The following CPNE2 variants were observed in gnomAD, a reference collection of about 807,000 sequenced individuals.
The protein encoded by CPNE2 is copine-2.
CPNE2 carries 42 observed loss-of-function variants against 69.7 expected under a neutral mutation model. The observed-to-expected ratio is 0.60, with a 90% CI of 0.47 to 0.78. The LOEUF is 0.78. CPNE2 is among the 30% of genes least tolerant of loss of function. CPNE2 has a pLI of 0.00. For missense variants in CPNE2, 587 were observed against 732.0 expected, an observed-to-expected ratio of 0.80 and a Z score of 2.29; for synonymous variants, 294 against 289.8, an observed-to-expected ratio of 1.01 and a Z score of -0.15.
intron 4 of CPNE2, among the ~76,000 whole-genome samples, chr16:57,116,627 C>A (rs552650999): frequency 1.3e-5 from 2 of 152,206 alleles, no homozygotes; most frequent in Non-Finnish European, 2.9e-5. Context: ...CCCACTCACC[C>A]GGGTATGCCA....
intron 1 of CPNE2, among the ~76,000 whole-genome samples, chr16:57,097,305 A>G (rs2069583794): frequency 6.6e-6 from 1 of 152,146 alleles, no homozygotes; most frequent in Admixed American, 6.5e-5. Context: ...CCAGAGCCTG[A>G]GTGTGTCTTG....
In CPNE2 at chr16:57,147,586, G is replaced by C. The variant is rs746617867; in HGVS notation, c.1575G>C (p.Ala525=). ...AGACCTTGGCCAAAGCTGTGCTGGC[G>C]GAGCTGCCCCAACAAGTTGTGCAGT... ...AKETLAKAVL[A]ELPQQVVQYF... is the part of the protein sequence containing the mutation. The change falls in exon 16 of 16, where the codon GCG becomes GCC. Residue 525 remains alanine (A), a synonymous_variant. Transcript: ENST00000290776. 14 of 1,609,132 alleles carry C rather than the reference G, an allele frequency of 8.7e-6. No homozygotes were observed. The highest frequency in any genetic ancestry group is 1.2e-5 in the Non-Finnish European group (14 of 1,176,562).
intron 1 of CPNE2, among the ~76,000 whole-genome samples, chr16:57,094,546 T>C (rs1030938274): frequency 1.3e-5 from 2 of 152,200 alleles, no homozygotes; most frequent in African/African-American, 2.4e-5. Context: ...AGTTTTTATA[T>C]CTATACACCT....
chr16:57,105,729 A>AC (rs552481968), intron 1 of CPNE2, among the ~76,000 whole-genome samples: 13 of 152,126 alleles, frequency 8.5e-5, no homozygotes, highest in Admixed American at 2.0e-4. Flanking sequence ...TGTAAAAGAG[A>AC]CCACTAGTTT....
At chr16:57,139,856 G>A (rs373828968) in intron 14 of CPNE2, among the ~76,000 whole-genome samples, 1 of 152,046 alleles carries the variant, frequency 6.6e-6, no homozygotes, top group African/African-American at 2.4e-5. Flanking sequence ...GGCAAGTCAC[G>A]TCACCTTAGT....
intron 12 of CPNE2, among the ~76,000 whole-genome samples, chr16:57,133,302 C>T (rs1234241994): frequency 6.6e-6 from 1 of 152,126 alleles, no homozygotes; most frequent in African/African-American, 2.4e-5. Context: ...GAACAGAAAA[C>T]CCCATTGCCT....
intron 1 of CPNE2, among the ~76,000 whole-genome samples, chr16:57,096,690 C>A (rs1352300615): frequency 7.0e-6 from 1 of 143,730 alleles, no homozygotes; most frequent in Non-Finnish European, 1.5e-5. Context: ...AACAGTGAGA[C>A]CATGTCTCAA....
chr16:57,121,762 T>A lies in CPNE2; in HGVS notation c.867+2T>A. 6.2e-7 allele frequency: 1 copy of A among 1,613,930 alleles called. No individual in the cohort carries two copies. The highest frequency in any genetic ancestry group is 8.5e-7 in the Non-Finnish European group (1 of 1,179,908). On this transcript the variant is annotated splice_donor_variant, in intron 9 of 15. Coordinates refer to ENST00000290776, the MANE Select transcript of CPNE2 (RefSeq NM_152727.6). LOFTEE classifies it high-confidence loss of function. ...ATCATCATCCTGCGATCCTGCAAGG[T>A]GAACCAGCGTGGGCAAGCACGAGCC...
intron 1 of CPNE2, among the ~76,000 whole-genome samples, chr16:57,104,042 G>A (rs778060490): frequency 1.1e-4 from 17 of 152,066 alleles, no homozygotes; most frequent in Admixed American, 1.0e-3. Context: ...TCAGCTTCCC[G>A]AGTAGCTGGG....
At chr16:57,123,510 TC>T in intron 10 of CPNE2, 37 bp downstream of exon 10, 1 of 1,602,338 alleles carries the variant, frequency 6.2e-7, no homozygotes, top group Non-Finnish European at 8.5e-7. Context: ...TGCACCCCCA[TC>T]CCAGTGAGGG....
intron 1 of CPNE2, chr16:57,093,827 G>T: frequency 3.0e-6 from 1 of 335,686 alleles, no homozygotes; most frequent in South Asian, 2.2e-5. Flanking sequence ...TTCACGGACT[G>T]CAGGGAGCCC....
Position 57,113,417 on chromosome 16 carries a change from C to T in CPNE2, c.310C>T (p.Arg104Trp), listed in dbSNP as rs1309567082. The change falls in exon 3 of 16, where the codon CGG becomes TGG. Residue 104 changes from arginine to tryptophan, a missense_variant. Around this residue, in one of 5 missense-constraint regions of CPNE2, gnomAD observed 34 missense variants for 67.1 expected, o/e 0.51. Transcript: ENST00000290776. The part of the protein sequence containing the change: ...ALFDQDKSSM[R>W]LDEHDFLGQF... ...CTTTGACCAGGACAAGTCCAGTATG[C>T]GGCTGGACGAGCATGACTTCCTGGG... 9 of 1,614,106 alleles carry T rather than the reference C, an allele frequency of 5.6e-6. No individual in the cohort carries two copies. The highest frequency in any genetic ancestry group is 1.7e-5 in the Admixed American group (1 of 60,014).
chr16:57,110,547 C>T (rs1173380083), intron 1 of CPNE2, 161 bp from the exon 2 acceptor site: 3 of 438,440 alleles, frequency 6.8e-6, no homozygotes, highest in African/African-American at 6.1e-5. Context: ...TCCTTGCATT[C>T]TTCTTTCTTC....
intron 1 of CPNE2, among the ~76,000 whole-genome samples, chr16:57,101,165 T>TATGCCAGCCTTCTG (rs2069610992): frequency 2.0e-5 from 3 of 152,202 alleles, no homozygotes; most frequent in African/African-American, 7.2e-5. Context: ...TGCCTGGGTT[T>TATGCCAGCCTTCTG]CCAGCCTTCT....
chr16:57,146,458 C>A lies in CPNE2; in HGVS notation c.1539+137C>A. The A allele has an allele frequency of 1.3e-6, 1 of 790,784 alleles. No individual in the cohort carries two copies. Among genetic ancestry groups the A allele is most frequent in the Non-Finnish European group, 2.0e-6 (1 of 505,350 alleles). The allele number at this position is 790,784 out of a possible 1,614,324, so 49.0% of individuals were successfully genotyped here. A position where few individuals can be genotyped will look rare whatever the true frequency, so the allele number is the denominator to read the frequency against. On this transcript the variant is annotated intron_variant, in intron 15 of 15. Coordinates refer to ENST00000290776, the MANE Select transcript of CPNE2 (RefSeq NM_152727.6). This position sits in a 1 kb window ranked among gnomAD's most constrained non-coding sequence, Gnocchi z 4.4. ...TCCATTGACTATGCTCTTCTGAGGG[C>A]CTGCCATGTGCCAGGCGCCGTGCCA...
chr16:57,121,841 G>A, intron 9 of CPNE2, 81 bp downstream of exon 9: 1 of 1,328,092 alleles, frequency 7.5e-7, no homozygotes, highest in Non-Finnish European at 1.1e-6. Context: ...TGGATCTGGA[G>A]CCAGCGAGGC....
At chr16:57,134,545 G>A (rs2069862868) in intron 12 of CPNE2, among the ~76,000 whole-genome samples, 1 of 152,226 alleles carries the variant, frequency 6.6e-6, no homozygotes, top group Admixed American at 6.5e-5. Flanking sequence ...GACCTGCCAG[G>A]GTCTCAGTTT....
In CPNE2 at chr16:57,092,995, C is replaced by T. The variant is rs2069553900; in HGVS notation, c.-36+205C>T. 6.6e-6 allele frequency among the ~76,000 whole-genome samples: 1 copy of T among 152,108 alleles called. No individual in the cohort carries two copies. Among genetic ancestry groups the T allele is most frequent in the African/African-American group, 2.4e-5 (1 of 41,444 alleles). ...CCGACCCGGCCACGCGGGGGCGCCCCGCCGGCTCCCGGACTGCGGGGAAGG... is the reference window on the plus strand; with the variant it reads ...CCGACCCGGCCACGCGGGGGCGCCCTGCCGGCTCCCGGACTGCGGGGAAGG... On this transcript the variant is annotated intron_variant, in intron 1 of 15. Coordinates refer to ENST00000290776, the MANE Select transcript of CPNE2 (RefSeq NM_152727.6). The surrounding 1 kb of genome is among the most constrained non-coding windows in gnomAD (Gnocchi z 5.3).
intron 1 of CPNE2, among the ~76,000 whole-genome samples, chr16:57,105,491 A>C (rs1017704259): frequency 2.7e-5 from 4 of 150,812 alleles, no homozygotes; most frequent in Middle Eastern, 3.4e-3. Context: ...GTTGGAGTGC[A>C]GTGGCACAAT....
Sources: gnomAD v4.1 joint callset for allele counts (sites outside exome capture counted in the v4.1 genomes callset) on GRCh38, gnomAD v4.1.1 for gene constraint, gnomAD v4.1.1 regional missense constraint, Gnocchi (gnomAD v3.1) non-coding constraint, MANE v1.5 for transcripts, NCBI Gene and HGNC (gene_info 2026-07-23, HGNC 2026-07-21) for gene names.